The following EPB41L4A variants were observed in gnomAD, a reference collection of about 807,000 sequenced individuals.
EPB41L4A encodes the protein erythrocyte membrane protein band 4.1 like 4A.
EPB41L4A carries 100 observed loss-of-function variants against 108.6 expected under a neutral mutation model. The observed-to-expected ratio is 0.92, with a 90% confidence interval of 0.78 to 1.09. The LOEUF is 1.09. Among genes scored for constraint, EPB41L4A ranks in the 50% least tolerant of loss-of-function variants. The probability of loss-of-function intolerance (pLI) is 0.00; values close to 1 mark genes in which losing one functional copy is unlikely to be tolerated. For missense variants in EPB41L4A, 1,030 were observed against 842.7 expected (o/e 1.22, Z -2.75); for synonymous variants, 319 against 289.0 (o/e 1.10, Z -1.05).
intron 9 of EPB41L4A, among the ~76,000 whole-genome samples, chr5:112,250,049 T>C (rs1356324934): frequency 6.6e-6 from 1 of 152,176 alleles, no homozygotes; most frequent in African/African-American, 2.4e-5. Context: ...TTGAAACGTA[T>C]GTAATATGGT....
intron 2 of EPB41L4A, among the ~76,000 whole-genome samples, chr5:112,296,979 A>G (rs1754027553): frequency 7.5e-6 from 1 of 134,072 alleles, no homozygotes; most frequent in African/African-American, 3.2e-5. Context: ...TCACATACAT[A>G]TATACATACA....
chr5:112,274,317 C>A (rs1311753922), intron 4 of EPB41L4A, among the ~76,000 whole-genome samples: 1 of 151,954 alleles, frequency 6.6e-6, no homozygotes, highest in Non-Finnish European at 1.5e-5. Flanking sequence ...GAAATATAAT[C>A]TTTTCATCAA....
At chr5:112,376,920 G>A (rs1759857286) in intron 1 of EPB41L4A, among the ~76,000 whole-genome samples, 1 of 152,100 alleles carries the variant, frequency 6.6e-6, no homozygotes, top group African/African-American at 2.4e-5. Flanking sequence ...AGTGCAACAC[G>A]TGGCTGGGTG....
chr5:112,246,301 C>T (rs1357049045), intron 9 of EPB41L4A, among the ~76,000 whole-genome samples: 1 of 152,130 alleles, frequency 6.6e-6, no homozygotes, highest in Non-Finnish European at 1.5e-5. Context: ...TTTAACTGTG[C>T]CTTTTCTGTG....
intron 9 of EPB41L4A, among the ~76,000 whole-genome samples, chr5:112,254,154 A>G (rs1030715751): frequency 2.6e-4 from 39 of 152,160 alleles, no homozygotes; most frequent in African/African-American, 9.4e-4. Context: ...TCTTTCATTT[A>G]TTTCACAAGT....
chr5:112,164,979 C>G lies in EPB41L4A; in HGVS notation c.*11G>C. The G allele has an allele frequency of 1.2e-6, 2 of 1,610,048 alleles. No individual in the cohort carries two copies. Among genetic ancestry groups the G allele is most frequent in the Non-Finnish European group, 1.7e-6 (2 of 1,178,762 alleles). On this transcript the variant is annotated 3_prime_UTR_variant, in exon 23 of 23. Coordinates refer to ENST00000261486, the MANE Select transcript of EPB41L4A (RefSeq NM_022140.5). ...AACCTTCCCACCCCTACCCTTGACC[C>G]TTCATCAGGATCAAGTCTCTGTCTT...
chr5:112,419,808 G>A (rs992978697), upstream of EPB41L4A: 2 of 456,644 alleles, frequency 4.4e-6, no homozygotes, highest in Non-Finnish European at 8.8e-6. Flanking sequence ...GCTCCCGTCC[G>A]GGGACTCCCG....
At chr5:112,270,696 G>T (rs1350911516) in intron 4 of EPB41L4A, among the ~76,000 whole-genome samples, 1 of 152,100 alleles carries the variant, frequency 6.6e-6, no homozygotes, top group East Asian at 1.9e-4. Context: ...TCAGTGAAAG[G>T]AGGAGACAGG....
intron 12 of EPB41L4A, among the ~76,000 whole-genome samples, chr5:112,227,063 C>A (rs765588054): frequency 2.6e-5 from 4 of 151,724 alleles, no homozygotes; most frequent in Non-Finnish European, 4.4e-5. Flanking sequence ...ACTCTGTGAT[C>A]CTGATACTGC....
chr5:112,199,596 A>C (rs1269670482), intron 15 of EPB41L4A, among the ~76,000 whole-genome samples: 2 of 152,196 alleles, frequency 1.3e-5, no homozygotes, highest in Non-Finnish European at 2.9e-5. Flanking sequence ...TTCCATTCAC[A>C]ACCCATGTGA....
At chr5:112,287,849 A>G (rs1396308817) in intron 2 of EPB41L4A, among the ~76,000 whole-genome samples, 1 of 152,198 alleles carries the variant, frequency 6.6e-6, no homozygotes, top group Non-Finnish European at 1.5e-5. Context: ...TCAGATAAGG[A>G]GGTTTCCAGG....
At chr5:112,292,765 T>G (rs1397292226) in intron 2 of EPB41L4A, among the ~76,000 whole-genome samples, 1 of 152,184 alleles carries the variant, frequency 6.6e-6, no homozygotes, top group Non-Finnish European at 1.5e-5. Flanking sequence ...TAAATCAAGG[T>G]TAATTTATCA....
At chr5:112,330,960 T>A (rs4958038) in intron 1 of EPB41L4A, among the ~76,000 whole-genome samples, 70,740 of 151,846 alleles carry the variant, frequency 0.47, 17,990 homozygotes, top group South Asian at 0.63. Context: ...TGACCTTACG[T>A]ATCTTGTTGA....
intron 1 of EPB41L4A, among the ~76,000 whole-genome samples, chr5:112,369,235 C>A (rs1226947629): frequency 6.6e-6 from 1 of 152,152 alleles, no homozygotes; most frequent in Non-Finnish European, 1.5e-5. Flanking sequence ...CTTTTGACAT[C>A]ATTCCCTTCC....
intron 1 of EPB41L4A, among the ~76,000 whole-genome samples, chr5:112,344,921 A>T (rs1260939727): frequency 6.6e-6 from 1 of 152,252 alleles, no homozygotes; most frequent in African/African-American, 2.4e-5. Flanking sequence ...TTACAAAGCC[A>T]CTGTGACAAA....
intron 1 of EPB41L4A, among the ~76,000 whole-genome samples, chr5:112,352,552 C>G (rs2150735469): frequency 6.6e-6 from 1 of 152,304 alleles, no homozygotes; most frequent in African/African-American, 2.4e-5. Context: ...ACAAAAGAAT[C>G]AGTCTATATC....
At chr5:112,143,829 A>G (rs1243143138) in exon 14 of EPB41L4A, 2 of 454,960 alleles carry the variant, frequency 4.4e-6, no homozygotes, top group South Asian at 3.1e-5. Flanking sequence ...CTCTCTGTCC[A>G]CATCACTTCA....
intron 5 of EPB41L4A, among the ~76,000 whole-genome samples, chr5:112,265,798 G>A (rs1215959640): frequency 6.6e-6 from 1 of 152,212 alleles, no homozygotes; most frequent in East Asian, 1.9e-4. Flanking sequence ...AAGAGCTGAA[G>A]AGCACTGAGC....
intron 10 of EPB41L4A, 25 bp from the exon 11 acceptor site, chr5:112,239,762 A>G: frequency 1.3e-6 from 2 of 1,547,722 alleles, no homozygotes; most frequent in Admixed American, 1.7e-5. Flanking sequence ...AAAGAAAATC[A>G]GACAAAGACT....
Sources: gnomAD v4.1 joint callset for allele counts (sites outside exome capture counted in the v4.1 genomes callset) on GRCh38, gnomAD v4.1.1 for gene constraint, MANE v1.5 for transcripts, NCBI Gene and HGNC (gene_info 2026-07-23, HGNC 2026-07-21) for gene names.